Variants in KCNN2 observed in about 807,000 individuals in gnomAD.
The protein encoded by KCNN2 is potassium calcium-activated channel subfamily N member 2.
A neutral mutation model predicts 55.5 loss-of-function variants in KCNN2; 24 were observed. That is an observed-to-expected ratio of 0.43 (90% CI 0.31 to 0.61). The LOEUF is 0.61. KCNN2 is among the 20% of genes least tolerant of loss of function. The probability of loss-of-function intolerance (pLI) is 0.08; values close to 1 mark genes in which losing one functional copy is unlikely to be tolerated. For missense variants in KCNN2, 754 were observed against 853.6 expected (o/e 0.88, Z 1.45); for synonymous variants, 431 against 336.1 (o/e 1.28, Z -3.09).
chr5:114,427,769 T>C (rs1436472124), intron 3 of KCNN2, among the ~76,000 whole-genome samples: 1 of 152,216 alleles, frequency 6.6e-6, no homozygotes, highest in African/African-American at 2.4e-5. Context: ...GGGGAATAAA[T>C]TAAATGACCC....
chr5:114,161,138 G>T (rs1464777135), intron 1 of KCNN2, among the ~76,000 whole-genome samples: 1 of 152,132 alleles, frequency 6.6e-6, no homozygotes, highest in Non-Finnish European at 1.5e-5. Flanking sequence ...TGCAGTGGCT[G>T]GTACTGGTTT....
intron 2 of KCNN2, among the ~76,000 whole-genome samples, chr5:114,283,891 T>G (rs747723500): frequency 2.6e-5 from 4 of 152,180 alleles, no homozygotes; most frequent in African/African-American, 4.8e-5. Context: ...GGTTTTTACC[T>G]TTGTCACGCA....
At chr5:114,418,304 A>G (rs530592507) in intron 3 of KCNN2, among the ~76,000 whole-genome samples, 46 of 152,348 alleles carry the variant, frequency 3.0e-4, no homozygotes, top group African/African-American at 1.0e-3. Flanking sequence ...AATATCTGAA[A>G]GACTGCAGAC....
chr5:114,468,200 T>C (rs774118366), intron 4 of KCNN2, among the ~76,000 whole-genome samples: 1 of 152,222 alleles, frequency 6.6e-6, no homozygotes, highest in Non-Finnish European at 1.5e-5. Context: ...ACTTATTTAT[T>C]TTCATGACCT....
rs1320557905 is a variant in KCNN2 at position 114,241,740 on chromosome 5, ACG to A, written c.-185+20176_-185+20177del. On this transcript the variant is annotated intron_variant, in intron 2 of 10. Transcript: ENST00000512097. ...TATATACGTATATATATACATATATACGTATATATATGTATATATATACGTAT... is the reference window on the plus strand; with the variant it reads ...TATATACGTATATATATACATATATATATATATATGTATATATATACGTAT... 1.2e-3 allele frequency among the ~76,000 whole-genome samples: 30 copies of A among 25,306 alleles called. 1 individual carries two copies. Among genetic ancestry groups the A allele is most frequent in the African/African-American group, 3.1e-3 (22 of 7,198 alleles). The allele number at this position is 25,306 out of a possible 152,430, so 16.6% of individuals were successfully genotyped here.
At chr5:114,287,710 A>G (rs1420128539) in intron 2 of KCNN2, among the ~76,000 whole-genome samples, 2 of 151,848 alleles carry the variant, frequency 1.3e-5, no homozygotes, top group Non-Finnish European at 2.9e-5. Flanking sequence ...GCACATGTAT[A>G]CCTATGTAAC....
chr5:114,332,374 C>T (rs1010512504), intron 2 of KCNN2, among the ~76,000 whole-genome samples: 1 of 152,136 alleles, frequency 6.6e-6, no homozygotes, highest in African/African-American at 2.4e-5. Flanking sequence ...TAACCCCAAC[C>T]CTTGCAAGGT....
chr5:114,473,511 G>C (rs547343217), intron 5 of KCNN2, among the ~76,000 whole-genome samples: 4 of 152,234 alleles, frequency 2.6e-5, no homozygotes, highest in African/African-American at 9.6e-5. Context: ...AAACGTGATT[G>C]AAAATGTTTT....
intron 1 of KCNN2, among the ~76,000 whole-genome samples, chr5:114,217,008 T>C (rs1028544396): frequency 6.6e-6 from 1 of 152,118 alleles, no homozygotes; most frequent in African/African-American, 2.4e-5. Flanking sequence ...CAGTACCATT[T>C]ACATTAGCAT....
chr5:114,316,041 G>A (rs1756494255), intron 2 of KCNN2, among the ~76,000 whole-genome samples: 1 of 152,054 alleles, frequency 6.6e-6, no homozygotes, highest in South Asian at 2.1e-4. Flanking sequence ...CTTGAAATAA[G>A]TTTACTCATG....
At chr5:114,368,297 A>C (rs1383128124) in intron 2 of KCNN2, among the ~76,000 whole-genome samples, 2 of 152,176 alleles carry the variant, frequency 1.3e-5, no homozygotes, top group Non-Finnish European at 2.9e-5. Context: ...GAGAAGCAAC[A>C]ATGTTTATTT....
chr5:114,170,596 T>C (rs943388177), intron 1 of KCNN2, among the ~76,000 whole-genome samples: 12 of 151,992 alleles, frequency 7.9e-5, no homozygotes, highest in Non-Finnish European at 2.9e-5. Flanking sequence ...GTAAACACAT[T>C]TTCCTAGGAG....
chr5:114,294,680 G>A (rs1002370920), intron 2 of KCNN2, among the ~76,000 whole-genome samples: 1 of 152,120 alleles, frequency 6.6e-6, no homozygotes, highest in Non-Finnish European at 1.5e-5. Flanking sequence ...TTGATTTGGG[G>A]TGGAGAGTTC....
intron 3 of KCNN2, among the ~76,000 whole-genome samples, chr5:114,417,195 A>C (rs975261749): frequency 1.3e-5 from 2 of 152,244 alleles, no homozygotes; most frequent in African/African-American, 4.8e-5. Flanking sequence ...TTATCAAATG[A>C]AATACCCAAT....
chr5:114,127,499 A>T (rs1488278605), intron 1 of KCNN2, among the ~76,000 whole-genome samples: 1 of 152,156 alleles, frequency 6.6e-6, no homozygotes, highest in Non-Finnish European at 1.5e-5. Context: ...CAGGGCACCA[A>T]GTCGCTAGGC....
intron 1 of KCNN2, among the ~76,000 whole-genome samples, chr5:114,155,756 G>C (rs576808923): frequency 6.6e-6 from 1 of 152,188 alleles, no homozygotes; most frequent in East Asian, 1.9e-4. Flanking sequence ...ATTTGTTTAA[G>C]TTCCTTTGAG....
At chr5:114,289,737 A>C (rs1225621993) in intron 2 of KCNN2, among the ~76,000 whole-genome samples, 3 of 152,104 alleles carry the variant, frequency 2.0e-5, no homozygotes, top group Admixed American at 6.6e-5. Context: ...ATTGCATTGA[A>C]TCTTTAAACT....
At chr5:114,292,595 C>A (rs1755917919) in intron 2 of KCNN2, among the ~76,000 whole-genome samples, 2 of 152,084 alleles carry the variant, frequency 1.3e-5, no homozygotes, top group Non-Finnish European at 2.9e-5. Context: ...GTTACTGTAG[C>A]CTTGTAGTAT....
At chr5:114,175,192 C>T (rs1212975978) in intron 1 of KCNN2, among the ~76,000 whole-genome samples, 1 of 152,072 alleles carries the variant, frequency 6.6e-6, no homozygotes, top group East Asian at 1.9e-4. Flanking sequence ...TCTCTTTAGG[C>T]TAGGATTATG....
Sources: allele counts gnomAD v4.1 joint callset (sites outside exome capture counted in the v4.1 genomes callset), GRCh38; gene constraint gnomAD v4.1.1; transcripts MANE v1.5; gene names NCBI Gene and HGNC (gene_info 2026-07-23, HGNC 2026-07-21).